PIGL: variants seen among roughly 807,000 people sequenced by gnomAD.
The protein encoded by PIGL is phosphatidylinositol glycan anchor biosynthesis class L.
A neutral mutation model predicts 31.1 loss-of-function variants in PIGL; 22 were observed. The ratio of observed to expected loss-of-function variants is 0.71; its 90% CI spans 0.51 to 1.01. PIGL has a LOEUF of 1.01. PIGL is among the 50% of genes least tolerant of loss of function. The probability of loss-of-function intolerance (pLI) is 0.00; values close to 1 mark genes in which losing one functional copy is unlikely to be tolerated. For missense variants in PIGL, 302 were observed against 315.9 expected (o/e 0.96, Z 0.33); for synonymous variants, 131 against 117.4 (o/e 1.12, Z -0.75).
At chr17:16,219,884 G>A (rs2092618423) in intron 1 of PIGL, among the ~76,000 whole-genome samples, 1 of 151,722 alleles carries the variant, frequency 6.6e-6, no homozygotes, top group Non-Finnish European at 1.5e-5. Flanking sequence ...AGTTGTATTT[G>A]TATTTTATAT....
intron 4 of PIGL, 106 bp downstream of exon 4, chr17:16,313,720 A>C: frequency 3.4e-6 from 3 of 893,110 alleles, no homozygotes; most frequent in East Asian, 2.4e-5. Context: ...AGCCCATGAA[A>C]CTCACTGCTG....
At chr17:16,295,641 G>A (rs953547829) in intron 2 of PIGL, among the ~76,000 whole-genome samples, 2 of 151,804 alleles carry the variant, frequency 1.3e-5, no homozygotes, top group African/African-American at 4.8e-5. Flanking sequence ...GCAAGACTCT[G>A]TCTCAAAAAA....
rs58352380 is a variant in PIGL at position 16,310,077 on chromosome 17, CAAAA to C, written c.427-3455_427-3452del. Among the ~76,000 whole-genome samples the C allele has an allele frequency of 7.2e-4, 64 of 88,752 alleles. No individual in the cohort carries two copies. In the South Asian group the frequency reaches 7.6e-3, roughly 11 times the overall value. The allele number at this position is 88,752 out of a possible 152,430, so 58.2% of individuals were successfully genotyped here. Reference sequence around the variant, plus strand: ...TGGGCAACAGAGTGAGACTCCATCTCAAAAAAAAAAAAAAAAAAGAAAGAAAGAA... The same window carrying C: ...TGGGCAACAGAGTGAGACTCCATCTCAAAAAAAAAAAAAAGAAAGAAAGAA... On this transcript the variant is annotated intron_variant, in intron 3 of 6. Coordinates refer to ENST00000225609, the MANE Select transcript of PIGL (RefSeq NM_004278.4).
intron 6 of PIGL, among the ~76,000 whole-genome samples, chr17:16,319,862 A>T (rs2093095526): frequency 6.6e-6 from 1 of 151,970 alleles, no homozygotes. Flanking sequence ...TTAGCTGTCC[A>T]TGGAACAGGT....
chr17:16,298,254 C>T (rs1019888649), intron 2 of PIGL, among the ~76,000 whole-genome samples: 2 of 152,014 alleles, frequency 1.3e-5, no homozygotes, highest in African/African-American at 2.4e-5. Flanking sequence ...GCCCAAAGTC[C>T]GAAAGGGGGC....
chr17:16,290,284 T>C (rs2092955014), intron 2 of PIGL, among the ~76,000 whole-genome samples: 1 of 151,878 alleles, frequency 6.6e-6, no homozygotes, highest in Admixed American at 6.6e-5. Context: ...GGTTTCCACA[T>C]GTTGGCCAGG....
intron 3 of PIGL, 110 bp from the exon 4 acceptor site, chr17:16,313,437 T>G: frequency 1.3e-6 from 1 of 796,780 alleles, no homozygotes; most frequent in Non-Finnish European, 2.3e-6. Flanking sequence ...AGATGCTGCA[T>G]TTGAAAAGTT....
chr17:16,260,010 C>T (rs960879540), intron 2 of PIGL, among the ~76,000 whole-genome samples: 4 of 152,342 alleles, frequency 2.6e-5, no homozygotes, highest in African/African-American at 4.8e-5. Context: ...CAGGCACTGT[C>T]GCAACCTGCC....
chr17:16,301,270 C>G (rs1415678087), intron 3 of PIGL, among the ~76,000 whole-genome samples: 1 of 147,102 alleles, frequency 6.8e-6, no homozygotes, highest in Non-Finnish European at 1.5e-5. Context: ...TTTCTTTTTT[C>G]TTTTTTTTTT....
chr17:16,266,331 G>A (rs909287210), intron 2 of PIGL, among the ~76,000 whole-genome samples: 1 of 145,086 alleles, frequency 6.9e-6, no homozygotes. Flanking sequence ...GGAGCTTGCA[G>A]TGAGCCGAGA....
chr17:16,221,971 C>G (rs1305897267), intron 1 of PIGL, among the ~76,000 whole-genome samples: 2 of 152,024 alleles, frequency 1.3e-5, no homozygotes, highest in East Asian at 1.9e-4. Context: ...CCAGGCTGGT[C>G]TTGAACTCCT....
chr17:16,258,079 GAGAGAGAGAGAGAGAGAGAGAGAA>G (rs2092802467), intron 2 of PIGL, among the ~76,000 whole-genome samples: 2 of 127,768 alleles, frequency 1.6e-5, no homozygotes, highest in Non-Finnish European at 3.3e-5. Context: ...AAGAGAGAGA[GAGAGAGAGAGAGAGAGAGAGAGAA>G]AGAGAGAGAG....
intron 6 of PIGL, 45 bp downstream of exon 6, chr17:16,317,953 C>T (rs2093085452): frequency 1.4e-6 from 2 of 1,406,526 alleles, no homozygotes; most frequent in Non-Finnish European, 1.9e-6. Flanking sequence ...GATCCCTGCC[C>T]CAGACCCCTG....
At chr17:16,255,468 A>C (rs915807126) in intron 2 of PIGL, among the ~76,000 whole-genome samples, 1 of 152,192 alleles carries the variant, frequency 6.6e-6, no homozygotes, top group Non-Finnish European at 1.5e-5. Context: ...ATAATCTGGT[A>C]CCTACTAAGA....
chr17:16,224,088 G>A lies in PIGL; in HGVS notation c.235+6627G>A, dbSNP rs1457477108. ...AAATTAGCTGGGCATGGTGATGTGC[G>A]CCTGTAGTCCCAGCTACTCAGGAGG... is the stretch of plus-strand genomic sequence containing the variant. On this transcript the variant is annotated intron_variant, in intron 1 of 6. Coordinates refer to ENST00000225609, the MANE Select transcript of PIGL (RefSeq NM_004278.4). Among the ~76,000 whole-genome samples, 9 of 151,876 alleles carry A rather than the reference G, an allele frequency of 5.9e-5. No individual in the cohort carries two copies. In the South Asian group the frequency reaches 6.2e-4, roughly 11 times the overall value.
intron 2 of PIGL, among the ~76,000 whole-genome samples, chr17:16,283,622 G>T (rs1182302178): frequency 6.6e-6 from 1 of 152,072 alleles, no homozygotes; most frequent in African/African-American, 2.4e-5. Flanking sequence ...GGAGTTCAAG[G>T]TCAGCCTAAG....
At chr17:16,237,194 G>A (rs1168314784) in intron 2 of PIGL, among the ~76,000 whole-genome samples, 1 of 136,406 alleles carries the variant, frequency 7.3e-6, no homozygotes, top group Non-Finnish European at 1.5e-5. Flanking sequence ...TGCAACGTCC[G>A]CCACCTGAGC....
chr17:16,325,684 T>A, intron 6 of PIGL, 116 bp from the exon 7 acceptor site: 1 of 773,536 alleles, frequency 1.3e-6, no homozygotes, highest in South Asian at 1.6e-5. Context: ...CAGATAAGGC[T>A]ATAGCATGAA....
chr17:16,230,398 A>G (rs2092673479), intron 1 of PIGL, among the ~76,000 whole-genome samples: 2 of 152,168 alleles, frequency 1.3e-5, no homozygotes. Flanking sequence ...AAATCTTTGC[A>G]TTAAATTCTT....
Sources: allele counts gnomAD v4.1 joint callset (sites outside exome capture counted in the v4.1 genomes callset), GRCh38; gene constraint gnomAD v4.1.1; transcripts MANE v1.5; gene names NCBI Gene and HGNC (gene_info 2026-07-23, HGNC 2026-07-21).